Variants in C2orf49 observed in about 807,000 individuals in gnomAD.
C2orf49 encodes the protein tRNA-splicing ligase complex subunit ASW.
In C2orf49, 11 loss-of-function variants were observed where a neutral mutation model predicts 20.6. The observed-to-expected ratio is 0.53, with a 90% CI of 0.34 to 0.88. The LOEUF is 0.88. C2orf49 is among the 40% of genes least tolerant of loss of function. The probability of loss-of-function intolerance (pLI) is 0.02; values close to 1 mark genes in which losing one functional copy is unlikely to be tolerated. For missense variants in C2orf49, 289 were observed against 274.2 expected (o/e 1.05, Z -0.38); for synonymous variants, 134 against 108.5 (o/e 1.24, Z -1.46).
At chr2:105,340,334 A>G (rs556587333) in intron 2 of C2orf49, among the ~76,000 whole-genome samples, 6 of 152,320 alleles carry the variant, frequency 3.9e-5, no homozygotes, top group African/African-American at 1.4e-4. Flanking sequence ...TTTTGACAAG[A>G]TGACTCTGGC....
At chr2:105,364,347 GA>G in the C2orf49 span, among the ~76,000 whole-genome samples, 1 of 152,222 alleles carries the variant, frequency 6.6e-6, no homozygotes, top group Non-Finnish European at 1.5e-5. Flanking sequence ...CACTTACGGT[GA>G]AAGAAGGAAG....
At chr2:105,337,713 G>T (rs762552966) in intron 1 of C2orf49, 27 bp downstream of exon 1, 4 of 354,050 alleles carry the variant, frequency 1.1e-5, no homozygotes. Context: ...CGGAGGGTGG[G>T]CGGGTGGGCC....
chr2:105,352,429 G>GTTTTTTTTTTTTTTTTTTTTTTTTGTT (rs61585149), downstream of C2orf49, among the ~76,000 whole-genome samples: 10 of 80,758 alleles, frequency 1.2e-4, no homozygotes, highest in South Asian at 6.0e-4. Context: ...GTTTGTTTGG[G>GTTTTTTTTTTTTTTTTTTTTTTTTGTT]TTTTTTTTTT....
chr2:105,379,912 C>A, the C2orf49 span, among the ~76,000 whole-genome samples: 193 of 152,352 alleles, frequency 1.3e-3, no homozygotes, highest in Non-Finnish European at 1.9e-3. Context: ...TTGTATGTCT[C>A]CTTCCAAATC....
At position 105,348,572 on chromosome 2, in the gene C2orf49, T is replaced by C. The variant is rs1201085832; in HGVS notation, c.*3201T>C. The C allele has an allele frequency of 6.7e-6, 1 of 148,722 alleles. No homozygotes were observed. Among genetic ancestry groups the C allele is most frequent in the Non-Finnish European group, 1.5e-5 (1 of 67,364 alleles). The allele number at this position is 148,722 out of a possible 1,614,324, so 9.2% of individuals were successfully genotyped here. A position where few individuals can be genotyped will look rare whatever the true frequency, so the allele number is the denominator to read the frequency against. Reference sequence around the variant, plus strand: ...TATATATATATGTAAGAGCTTCCTCTATTTACTACTGTTGAACTTCAGTAA... The same window carrying C: ...TATATATATATGTAAGAGCTTCCTCCATTTACTACTGTTGAACTTCAGTAA... On this transcript the variant is annotated 3_prime_UTR_variant, in exon 4 of 4. Coordinates refer to ENST00000258457, the MANE Select transcript of C2orf49 (RefSeq NM_024093.3).
In C2orf49 at chr2:105,346,598, GAGTCCAGGAAGCATAGC is replaced by G. The variant is rs1323445309; in HGVS notation, c.*1232_*1248del. The G allele has an allele frequency of 6.6e-6, 1 of 152,222 alleles. No individual in the cohort carries two copies. The highest frequency in any genetic ancestry group is 1.5e-5 in the Non-Finnish European group (1 of 68,064). The allele number at this position is 152,222 out of a possible 1,614,324, so 9.4% of individuals were successfully genotyped here. A position where few individuals can be genotyped will look rare whatever the true frequency, so the allele number is the denominator to read the frequency against. On this transcript the variant is annotated 3_prime_UTR_variant, in exon 4 of 4. Transcript: ENST00000258457. The stretch of plus-strand genomic sequence containing the variant: ...GGGGGTAGAATTCTAGAATTTATAA[GAGTCCAGGAAGCATAGC>G]AGTCAGGGGCAAAAATTAGCGTAAT...
At position 105,348,176 on chromosome 2, in the gene C2orf49, C is replaced by G. The variant is rs201223042; in HGVS notation, c.*2805C>G. ...AGGTGAAGATAGGCTGACCCCCTGT[C>G]CTCTTACATTTGAGGGATCATAGAC... On this transcript the variant is annotated 3_prime_UTR_variant, in exon 4 of 4. Transcript: ENST00000258457. 5 of 152,272 alleles carry G rather than the reference C, an allele frequency of 3.3e-5. No individual in the cohort carries two copies. The East Asian group carries it at 9.7e-4, about 29-fold the overall frequency. 9.4% of individuals were successfully genotyped at this position (152,272 alleles called of 1,614,324 possible).
the C2orf49 span, among the ~76,000 whole-genome samples, chr2:105,381,001 G>A: frequency 1.3e-5 from 2 of 152,090 alleles, no homozygotes; most frequent in African/African-American, 4.8e-5. Context: ...GACTTTAGCT[G>A]AGCTTTAGTG....
At chr2:105,374,605 G>A in the C2orf49 span, 7 of 152,250 alleles carry the variant, frequency 4.6e-5, no homozygotes, top group African/African-American at 1.7e-4. Flanking sequence ...GAAGACAGAC[G>A]TGTGCTTTTG....
Position 105,343,022 on chromosome 2 carries a change from G to C in C2orf49, c.441G>C (p.Ser147=), listed in dbSNP as rs1210336566. The change falls in exon 3 of 4, where the codon TCG becomes TCC. Residue 147 remains serine, a synonymous_variant. Coordinates refer to ENST00000258457, the MANE Select transcript of C2orf49 (RefSeq NM_024093.3). The stretch of plus-strand genomic sequence containing the variant: ...TTAGAAAATTATCAAATTCCTCTTC[G>C]AGTGTTTCACCCCTAATTTTGTCTT... The part of the protein sequence containing the change: ...NAFRKLSNSS[S]SVSPLILSSN... 2 of 1,614,062 alleles carry C rather than the reference G, an allele frequency of 1.2e-6. No individual in the cohort carries two copies.
chr2:105,340,763 G>T (rs1343350708), intron 2 of C2orf49, among the ~76,000 whole-genome samples: 1 of 152,110 alleles, frequency 6.6e-6, no homozygotes, highest in African/African-American at 2.4e-5. Context: ...ATCCTTAAGT[G>T]AACTCTTCTG....
At chr2:105,375,138 T>A in the C2orf49 span, 1 of 142,224 alleles carries the variant, frequency 7.0e-6, no homozygotes, top group Non-Finnish European at 1.6e-5. Context: ...GAAGTATGTG[T>A]GTGTGTGTGT....
Position 105,337,565 on chromosome 2 carries a change from A to G in C2orf49, c.-23A>G. ...CTTCGCGGGGCTTTGTGGGTAGCCG[A>G]CTGGGGTCTCCTGGCGACGACCATG... On this transcript the variant is annotated 5_prime_UTR_variant, in exon 1 of 4. Coordinates refer to ENST00000258457, the MANE Select transcript of C2orf49 (RefSeq NM_024093.3). 1 of 1,613,182 alleles carries G rather than the reference A, an allele frequency of 6.2e-7. No homozygotes were observed. The highest frequency in any genetic ancestry group is 8.5e-7 in the Non-Finnish European group (1 of 1,179,936).
At chr2:105,383,847 C>T in the C2orf49 span, among the ~76,000 whole-genome samples, 2 of 152,222 alleles carry the variant, frequency 1.3e-5, no homozygotes, top group African/African-American at 2.4e-5. Flanking sequence ...GCCAAGGTCT[C>T]GCTTCAACTC....
chr2:105,370,105 G>C, the C2orf49 span, among the ~76,000 whole-genome samples: 1 of 152,204 alleles, frequency 6.6e-6, no homozygotes, highest in African/African-American at 2.4e-5. Flanking sequence ...TGGCTGCGGT[G>C]CCTCAGCCTT....
At chr2:105,341,725 G>GA (rs1273791163) in intron 2 of C2orf49, among the ~76,000 whole-genome samples, 1 of 152,216 alleles carries the variant, frequency 6.6e-6, no homozygotes, top group Admixed American at 6.5e-5. Context: ...TATTCAGGTT[G>GA]ATGCCCCAGA....
chr2:105,360,214 A>G, the C2orf49 span: 1 of 151,236 alleles, frequency 6.6e-6, no homozygotes, highest in Non-Finnish European at 1.5e-5. Context: ...GGGCAGGAGA[A>G]TCGCTTGAAC....
chr2:105,343,607 T>C (rs577771554), intron 3 of C2orf49, among the ~76,000 whole-genome samples: 1 of 152,292 alleles, frequency 6.6e-6, no homozygotes, highest in South Asian at 2.1e-4. Flanking sequence ...TAAGTAGCAT[T>C]TGGGGCCTGA....
At chr2:105,352,219 GTCATA>G (rs996530071), downstream of C2orf49, among the ~76,000 whole-genome samples, 1 of 152,102 alleles carries the variant, frequency 6.6e-6, no homozygotes, top group Non-Finnish European at 1.5e-5. Flanking sequence ...TGTTGCTTAA[GTCATA>G]TCATTTAAGA....
Sources: allele counts gnomAD v4.1 joint callset (sites outside exome capture counted in the v4.1 genomes callset), GRCh38; gene constraint gnomAD v4.1.1; transcripts MANE v1.5; gene names NCBI Gene and HGNC (gene_info 2026-07-23, HGNC 2026-07-21).